Variants in PDE12 observed in about 807,000 individuals in gnomAD.
PDE12 encodes 2',5'-phosphodiesterase 12.
In PDE12, 26 loss-of-function variants were observed where a neutral mutation model predicts 45.4. That is an observed-to-expected ratio of 0.57 (90% CI 0.42 to 0.79). The LOEUF (loss-of-function observed/expected upper bound fraction) is 0.79, where lower values mean the gene tolerates loss of function less well. Ranked by LOEUF, PDE12 falls within the 30% of genes least tolerant of loss-of-function variation. The probability of loss-of-function intolerance (pLI) is 0.00; values close to 1 mark genes in which losing one functional copy is unlikely to be tolerated. For missense variants in PDE12, 668 were observed against 790.0 expected (o/e 0.85, Z 1.85); for synonymous variants, 283 against 323.9 (o/e 0.87, Z 1.36).
chr3:57,609,796 A>G, the PDE12 span, among the ~76,000 whole-genome samples: 1 of 152,308 alleles, frequency 6.6e-6, no homozygotes, highest in East Asian at 1.9e-4. Flanking sequence ...GCCGAATTCT[A>G]CCAGAGGTAC....
the PDE12 span, among the ~76,000 whole-genome samples, chr3:57,602,225 G>T: frequency 6.6e-6 from 1 of 151,994 alleles, no homozygotes; most frequent in Non-Finnish European, 1.5e-5. Flanking sequence ...TGTTCTCTGC[G>T]AGACTGATTC....
the PDE12 span, among the ~76,000 whole-genome samples, chr3:57,646,039 A>G: frequency 1.4e-4 from 21 of 152,350 alleles, no homozygotes; most frequent in African/African-American, 4.1e-4. Context: ...CACACAAGTA[A>G]TATTTATCAA....
chr3:57,644,886 G>T, the PDE12 span, among the ~76,000 whole-genome samples: 19 of 149,368 alleles, frequency 1.3e-4, no homozygotes, highest in Middle Eastern at 3.5e-3. Flanking sequence ...AGTGAGAAGG[G>T]TATTGATGAT....
At chr3:57,580,690 G>C in the PDE12 span, among the ~76,000 whole-genome samples, 1 of 151,860 alleles carries the variant, frequency 6.6e-6, no homozygotes, top group Non-Finnish European at 1.5e-5. Context: ...CATAGCACCC[G>C]GTCCTGAAAC....
At chr3:57,586,957 A>ACACG in the PDE12 span, among the ~76,000 whole-genome samples, 1 of 150,986 alleles carries the variant, frequency 6.6e-6, no homozygotes, top group Non-Finnish European at 1.5e-5. Context: ...ACACACACGC[A>ACACG]CACACACAAA....
At chr3:57,601,273 CTA>C in the PDE12 span, among the ~76,000 whole-genome samples, 3 of 152,090 alleles carry the variant, frequency 2.0e-5, no homozygotes, top group Admixed American at 6.6e-5. Context: ...CTGCGCCCGG[CTA>C]ATTTTTGTAT....
the PDE12 span, among the ~76,000 whole-genome samples, chr3:57,655,226 G>A: frequency 2.6e-5 from 4 of 152,030 alleles, no homozygotes; most frequent in African/African-American, 7.2e-5. Flanking sequence ...GTAGAGACGG[G>A]GTTTCACCAT....
the PDE12 span, chr3:57,646,465 C>T: frequency 6.3e-7 from 1 of 1,583,974 alleles, no homozygotes; most frequent in Non-Finnish European, 8.6e-7. Context: ...AGTAGAAATA[C>T]TTTTTAATGT....
rs2069740937 is a variant in PDE12, at chr3:57,562,822, T to C, written c.*2818T>C. 6.6e-6 allele frequency: 1 copy of C among 152,240 alleles called. No individual in the cohort carries two copies. Among genetic ancestry groups the C allele is most frequent in the South Asian group, 2.1e-4 (1 of 4,836 alleles). 9.4% of individuals were successfully genotyped at this position (152,240 alleles called of 1,614,324 possible). On this transcript the variant is annotated 3_prime_UTR_variant, in exon 3 of 3. Transcript: ENST00000311180. ...TTTCTGGCTGTAATGTATGTTCTTTTTGAAATTCTGTATGCTAAAATCAGT... is the reference window on the plus strand; with the variant it reads ...TTTCTGGCTGTAATGTATGTTCTTTCTGAAATTCTGTATGCTAAAATCAGT...
the PDE12 span, among the ~76,000 whole-genome samples, chr3:57,650,504 T>C: frequency 6.6e-6 from 1 of 152,044 alleles, no homozygotes; most frequent in Non-Finnish European, 1.5e-5. Context: ...AAAGCAATGA[T>C]ATCTCAATAT....
chr3:57,618,610 T>TTTTTG, the PDE12 span, among the ~76,000 whole-genome samples: 1 of 113,678 alleles, frequency 8.8e-6, no homozygotes, highest in Non-Finnish European at 1.9e-5. Flanking sequence ...CTTTTGTGTT[T>TTTTTG]TTTTTTTTTT....
the PDE12 span, among the ~76,000 whole-genome samples, chr3:57,585,341 C>G: frequency 6.6e-6 from 1 of 152,116 alleles, no homozygotes; most frequent in Non-Finnish European, 1.5e-5. Flanking sequence ...AGTGGTATAA[C>G]TATGTTCTAA....
chr3:57,652,419 A>G, the PDE12 span, among the ~76,000 whole-genome samples: 4 of 152,158 alleles, frequency 2.6e-5, no homozygotes, highest in Non-Finnish European at 5.9e-5. Context: ...CCAGACTCCT[A>G]TGTCCAACTG....
chr3:57,613,675 C>A, the PDE12 span, among the ~76,000 whole-genome samples: 1 of 151,496 alleles, frequency 6.6e-6, no homozygotes, highest in Non-Finnish European at 1.5e-5. Context: ...CCGAGGAGGG[C>A]GGATCACGAG....
the PDE12 span, chr3:57,630,391 A>C: frequency 6.0e-5 from 91 of 1,528,278 alleles, no homozygotes; most frequent in Middle Eastern, 6.9e-4. Flanking sequence ...AACAGTTGTT[A>C]ATCATTACAC....
At chr3:57,601,070 A>G in the PDE12 span, 1 of 152,122 alleles carries the variant, frequency 6.6e-6, no homozygotes, top group Non-Finnish European at 1.5e-5. Context: ...GCTCAAAAGC[A>G]TGTACTCATA....
At chr3:57,634,434 CA>C in the PDE12 span, 154,344 of 280,332 alleles carry the variant, frequency 0.55, 29,269 homozygotes, top group Admixed American at 0.7. Context: ...CTCTGTCTCC[CA>C]AAAAAAAAAA....
At chr3:57,647,992 T>C in the PDE12 span, among the ~76,000 whole-genome samples, 6 of 151,942 alleles carry the variant, frequency 3.9e-5, 1 homozygote, top group South Asian at 1.2e-3. Flanking sequence ...GGGGACAAAG[T>C]TGCAGCAGAG....
the PDE12 span, chr3:57,630,527 T>C: frequency 1.9e-6 from 3 of 1,585,482 alleles, no homozygotes; most frequent in South Asian, 2.4e-5. Context: ...GAAATGCCTA[T>C]AAAAATACAT....
Sources: allele counts gnomAD v4.1 joint callset (sites outside exome capture counted in the v4.1 genomes callset), GRCh38; gene constraint gnomAD v4.1.1; transcripts MANE v1.5; gene names NCBI Gene and HGNC (gene_info 2026-07-23, HGNC 2026-07-21).